The following LDAH variants were observed in gnomAD, a reference collection of about 807,000 sequenced individuals.
The protein encoded by LDAH is lipid droplet associated hydrolase, also known as lipid droplet-associated hydrolase.
Under a neutral mutation model 29.6 loss-of-function variants are expected in LDAH, and 26 were observed. The ratio of observed to expected loss-of-function variants is 0.88; its 90% CI spans 0.64 to 1.22. The LOEUF (loss-of-function observed/expected upper bound fraction) is 1.22, where lower values mean the gene tolerates loss of function less well. Among genes scored for constraint, LDAH ranks in the 50% most tolerant of loss-of-function variants. LDAH has a pLI of 0.00. For missense variants in LDAH, 344 were observed against 387.3 expected (o/e 0.89, Z 0.94); for synonymous variants, 117 against 133.0 (o/e 0.88, Z 0.83).
intron 1 of LDAH, among the ~76,000 whole-genome samples, chr2:20,805,189 G>C (rs1245159900): frequency 6.6e-6 from 1 of 152,092 alleles, no homozygotes; most frequent in Non-Finnish European, 1.5e-5. Context: ...CAAAATTAGT[G>C]AGAATTCAAC....
Position 20,686,695 on chromosome 2 carries a change from G to T in LDAH, c.*208C>A. The T allele has an allele frequency of 2.7e-6, 1 of 366,010 alleles. No individual in the cohort carries two copies. The allele number at this position is 366,010 out of a possible 1,614,324, so 22.7% of individuals were successfully genotyped here. On this transcript the variant is annotated 3_prime_UTR_variant, in exon 7 of 7. Coordinates refer to ENST00000237822, the MANE Select transcript of LDAH (RefSeq NM_021925.4). ...AGATCACTGTGTTCCCTGAGTCTTG[G>T]AAAATGTATGGTTAAACCTATGGAA... is the stretch of plus-strand genomic sequence containing the variant.
chr2:20,699,019 T>C (rs1340345626), intron 6 of LDAH, among the ~76,000 whole-genome samples: 1 of 152,172 alleles, frequency 6.6e-6, no homozygotes, highest in African/African-American at 2.4e-5. Context: ...GAGAAAGAAG[T>C]AGAATGCTGT....
chr2:20,771,701 T>C (rs1669435498), intron 4 of LDAH, among the ~76,000 whole-genome samples: 1 of 152,196 alleles, frequency 6.6e-6, no homozygotes, highest in Non-Finnish European at 1.5e-5. Context: ...TTCTGAATAA[T>C]AATTTAAAAA....
chr2:20,730,291 C>G (rs1211327468), intron 5 of LDAH, among the ~76,000 whole-genome samples: 6 of 152,128 alleles, frequency 3.9e-5, no homozygotes, highest in Admixed American at 3.9e-4. Flanking sequence ...ACAGGTTTTT[C>G]TCTGAACACC....
intron 2 of LDAH, among the ~76,000 whole-genome samples, chr2:20,797,578 A>T (rs1671385731): frequency 6.6e-6 from 1 of 152,118 alleles, no homozygotes; most frequent in African/African-American, 2.4e-5. Flanking sequence ...TCTCAGTCCT[A>T]GGCAAGCTAG....
intron 5 of LDAH, among the ~76,000 whole-genome samples, chr2:20,711,164 G>A (rs1372549886): frequency 3.3e-5 from 5 of 152,080 alleles, no homozygotes; most frequent in African/African-American, 4.8e-5. Flanking sequence ...TGAGACGGGC[G>A]GATCACAAGG....
In LDAH at chr2:20,710,606, G is replaced by GTGTGTGTGTGTATATA. The variant is rs1467950593; in HGVS notation, c.704-8955_704-8954insTATATACACACACACA. Among the ~76,000 whole-genome samples, 3 of 131,870 alleles carry GTGTGTGTGTGTATATA rather than the reference G, an allele frequency of 2.3e-5. No homozygotes were observed. The South Asian group carries it at 7.7e-4, about 34-fold the overall frequency. The allele number at this position is 131,870 out of a possible 152,430, so 86.5% of individuals were successfully genotyped here. Reference sequence around the variant, plus strand: ...TAGGGGTGTGTGTGTGTGTGTGTGTGTATATATATATATAGATATATATAT... The same window carrying GTGTGTGTGTGTATATA: ...TAGGGGTGTGTGTGTGTGTGTGTGTGTGTGTGTGTGTATATATATATATATATATAGATATATATAT... On this transcript the variant is annotated intron_variant, in intron 5 of 6. Transcript: ENST00000237822.
At chr2:20,742,753 C>T (rs1037203600) in intron 4 of LDAH, among the ~76,000 whole-genome samples, 14 of 149,714 alleles carry the variant, frequency 9.4e-5, no homozygotes, top group African/African-American at 3.2e-4. Flanking sequence ...TCCACTCTAA[C>T]AATCTTTTAA....
chr2:20,718,494 C>A (rs112007364), intron 5 of LDAH, among the ~76,000 whole-genome samples: 1 of 152,036 alleles, frequency 6.6e-6, no homozygotes, highest in Non-Finnish European at 1.5e-5. Context: ...GTACCTAACA[C>A]CAGAACACCC....
chr2:20,803,327 C>CT (rs781777999), intron 1 of LDAH, among the ~76,000 whole-genome samples: 4 of 152,188 alleles, frequency 2.6e-5, no homozygotes, highest in Non-Finnish European at 5.9e-5. Context: ...AGCAGCAGCA[C>CT]TATAGCCAGG....
rs546447988 is a variant in LDAH at position 20,794,643 on chromosome 2, C to G, written c.155-4245G>C. ...CATTAACCAACCGTAAAAGAAAAAC[C>G]ATACGATCCTCAACAGATGCAGAAA... is the stretch of plus-strand genomic sequence containing the variant. On this transcript the variant is annotated intron_variant, in intron 2 of 6. Coordinates refer to ENST00000237822, the MANE Select transcript of LDAH (RefSeq NM_021925.4). 1.1e-3 allele frequency among the ~76,000 whole-genome samples: 168 copies of G among 152,148 alleles called. 2 individuals are homozygous for G. The highest frequency in any genetic ancestry group is 2.2e-3 in the Non-Finnish European group (148 of 67,984).
At chr2:20,821,486 A>G (rs1054216584) in intron 1 of LDAH, among the ~76,000 whole-genome samples, 5 of 152,176 alleles carry the variant, frequency 3.3e-5, no homozygotes, top group Admixed American at 1.3e-4. Flanking sequence ...TGAAGCTGGA[A>G]ACCATCATTC....
At chr2:20,736,969 A>G (rs1398867526) in intron 5 of LDAH, among the ~76,000 whole-genome samples, 1 of 152,218 alleles carries the variant, frequency 6.6e-6, no homozygotes, top group Non-Finnish European at 1.5e-5. Context: ...TGTCTTTTGT[A>G]ACAAAGATCT....
Position 20,773,649 on chromosome 2 carries a change from C to T in LDAH, c.468+1161G>A, listed in dbSNP as rs114060893. Reference sequence around the variant, plus strand: ...AATGAAAAACATATTTTCTTATACCCAATAATAATTTAAAACCTCCATTTA... The same window carrying T: ...AATGAAAAACATATTTTCTTATACCTAATAATAATTTAAAACCTCCATTTA... On this transcript the variant is annotated intron_variant, in intron 4 of 6. Transcript: ENST00000237822. 8.4e-3 allele frequency among the ~76,000 whole-genome samples: 1,278 copies of T among 152,136 alleles called. 19 individuals are homozygous for T. Among genetic ancestry groups the T allele is most frequent in the African/African-American group, 0.029 (1,219 of 41,480 alleles).
chr2:20,746,829 C>A (rs1667602508), intron 4 of LDAH, among the ~76,000 whole-genome samples: 1 of 152,166 alleles, frequency 6.6e-6, no homozygotes, highest in African/African-American at 2.4e-5. Flanking sequence ...CCAATTCATT[C>A]TATCCTAAGA....
chr2:20,819,799 A>T (rs1005699161), intron 1 of LDAH, among the ~76,000 whole-genome samples: 3 of 152,220 alleles, frequency 2.0e-5, no homozygotes, highest in Non-Finnish European at 4.4e-5. Context: ...AAGGGTATTC[A>T]ATTAGGAAAA....
At chr2:20,719,972 T>A (rs889312926) in intron 5 of LDAH, among the ~76,000 whole-genome samples, 4 of 152,016 alleles carry the variant, frequency 2.6e-5, no homozygotes, top group Admixed American at 2.6e-4. Flanking sequence ...CATACCTCAA[T>A]ACCATAAGGG....
chr2:20,692,667 T>C (rs1456536445), intron 6 of LDAH, among the ~76,000 whole-genome samples: 1 of 152,240 alleles, frequency 6.6e-6, no homozygotes, highest in East Asian at 1.9e-4. Flanking sequence ...CTTTAAATCA[T>C]AATTCACCAC....
chr2:20,743,728 C>G (rs1667370524), intron 4 of LDAH, among the ~76,000 whole-genome samples: 1 of 151,640 alleles, frequency 6.6e-6, no homozygotes, highest in South Asian at 2.1e-4. Context: ...TTCTGAGTTT[C>G]CTGGATCTGA....
Sources: gnomAD v4.1 joint callset for allele counts (sites outside exome capture counted in the v4.1 genomes callset) on GRCh38, gnomAD v4.1.1 for gene constraint, MANE v1.5 for transcripts, NCBI Gene and HGNC (gene_info 2026-07-23, HGNC 2026-07-21) for gene names.